The following CLVS1 variants were observed in gnomAD, a reference collection of about 807,000 sequenced individuals.
CLVS1 encodes the protein clavesin 1, also known as clavesin-1.
A neutral mutation model predicts 33.1 loss-of-function variants in CLVS1; 10 were observed. The ratio of observed to expected loss-of-function variants is 0.30; its 90% confidence interval spans 0.19 to 0.51. The LOEUF is 0.51. Ranked by LOEUF, CLVS1 falls within the 20% of genes least tolerant of loss-of-function variation. The probability of loss-of-function intolerance (pLI) is 0.97; values close to 1 mark genes in which losing one functional copy is unlikely to be tolerated. For synonymous variants in CLVS1, 163 were observed against 166.1 expected, an observed-to-expected ratio of 0.98 and a Z score of 0.14; for missense variants, 343 against 433.4, an observed-to-expected ratio of 0.79 and a Z score of 1.85.
intron 1 of CLVS1, among the ~76,000 whole-genome samples, chr8:61,117,995 C>G (rs566936709): frequency 6.6e-6 from 1 of 152,324 alleles, no homozygotes; most frequent in South Asian, 2.1e-4. Context: ...GTGAATCCAT[C>G]TGGTCCTGGA....
intron 5 of CLVS1, among the ~76,000 whole-genome samples, chr8:61,474,590 G>A (rs1331738581): frequency 6.6e-6 from 1 of 152,200 alleles, no homozygotes; most frequent in African/African-American, 2.4e-5. Context: ...ATCCAGTAAA[G>A]AGGGAGAATT....
chr8:61,255,525 T>A (rs1809059778), intron 2 of CLVS1, among the ~76,000 whole-genome samples: 1 of 152,188 alleles, frequency 6.6e-6, no homozygotes, highest in South Asian at 2.1e-4. Context: ...AATAAACCAG[T>A]AAGCAAAGGT....
At chr8:61,288,275 T>C (rs1563478457) in intron 1 of CLVS1, 137 bp downstream of exon 1, 2 of 456,496 alleles carry the variant, frequency 4.4e-6, no homozygotes, top group Non-Finnish European at 8.8e-6. Flanking sequence ...CTGCACTCCA[T>C]CCCTCCCGCA....
At chr8:61,391,633 T>C (rs577160392) in intron 3 of CLVS1, among the ~76,000 whole-genome samples, 6 of 152,336 alleles carry the variant, frequency 3.9e-5, no homozygotes, top group African/African-American at 1.4e-4. Context: ...ATTAAGCTAA[T>C]GCCAGCTCAA....
chr8:61,021,059 T>G, the CLVS1 span, among the ~76,000 whole-genome samples: 1 of 152,168 alleles, frequency 6.6e-6, no homozygotes, highest in Non-Finnish European at 1.5e-5. Context: ...TCTCTAGAAA[T>G]TCTACACACT....
the CLVS1 span, among the ~76,000 whole-genome samples, chr8:61,003,634 G>T: frequency 9.9e-5 from 15 of 152,284 alleles, no homozygotes; most frequent in African/African-American, 3.4e-4. Flanking sequence ...CTTGTGCCCA[G>T]GTTTCCATAT....
At chr8:61,004,184 A>C in the CLVS1 span, among the ~76,000 whole-genome samples, 13 of 152,258 alleles carry the variant, frequency 8.5e-5, no homozygotes, top group Non-Finnish European at 1.8e-4. Flanking sequence ...GCACATATAA[A>C]GTGCTTTGCA....
chr8:61,202,756 T>C lies in CLVS1; in HGVS notation c.-152+70896T>C, dbSNP rs577983113. On this transcript the variant is annotated intron_variant, in intron 2 of 2. Coordinates refer to the CLVS1 transcript ENST00000522621. Reference sequence around the variant, plus strand: ...TGAAGAGGAGGAGGATGTGAAACTCTTAAGTATATCTGGAAAGCGATCTGC... The same window carrying C: ...TGAAGAGGAGGAGGATGTGAAACTCCTAAGTATATCTGGAAAGCGATCTGC... 3.8e-5 allele frequency: 60 copies of C among 1,573,720 alleles called. No homozygotes were observed. The African/African-American group carries it at 7.1e-4, about 19-fold the overall frequency.
intron 3 of CLVS1, among the ~76,000 whole-genome samples, chr8:61,438,352 A>C (rs1332358283): frequency 6.6e-6 from 1 of 152,200 alleles, no homozygotes; most frequent in Non-Finnish European, 1.5e-5. Context: ...TGCAAAGGAC[A>C]TTATCTCATT....
chr8:61,477,762 T>C (rs1004972329), intron 5 of CLVS1, among the ~76,000 whole-genome samples: 4 of 152,168 alleles, frequency 2.6e-5, no homozygotes, highest in Admixed American at 6.5e-5. Flanking sequence ...CCTGGATTCA[T>C]TGATTTTTTG....
At chr8:60,980,184 A>C in the CLVS1 span, among the ~76,000 whole-genome samples, 1 of 152,210 alleles carries the variant, frequency 6.6e-6, no homozygotes, top group Admixed American at 6.5e-5. Context: ...TTATTCATCT[A>C]GAGGCAAACA....
At chr8:61,303,364 C>T (rs1290157038) in intron 2 of CLVS1, among the ~76,000 whole-genome samples, 1 of 152,190 alleles carries the variant, frequency 6.6e-6, no homozygotes, top group East Asian at 1.9e-4. Context: ...TCTCAATTCT[C>T]TCTTGTGTAA....
intron 2 of CLVS1, among the ~76,000 whole-genome samples, chr8:61,189,957 A>G (rs1807434524): frequency 6.6e-6 from 1 of 152,198 alleles, no homozygotes; most frequent in South Asian, 2.1e-4. Flanking sequence ...AACATTAGAC[A>G]GACCAAAGAG....
At chr8:61,437,940 A>G (rs1046710531) in intron 3 of CLVS1, among the ~76,000 whole-genome samples, 2 of 152,238 alleles carry the variant, frequency 1.3e-5, no homozygotes, top group Admixed American at 1.3e-4. Flanking sequence ...TAAGACGTTG[A>G]ACTGTAAGAT....
At chr8:61,267,433 A>G (rs1021693557) in intron 2 of CLVS1, among the ~76,000 whole-genome samples, 2 of 152,308 alleles carry the variant, frequency 1.3e-5, no homozygotes, top group Admixed American at 1.3e-4. Context: ...CATCTCCAAT[A>G]CATACACACA....
chr8:61,479,203 C>T (rs1308766083), intron 5 of CLVS1, among the ~76,000 whole-genome samples: 8 of 152,216 alleles, frequency 5.3e-5, no homozygotes, highest in Non-Finnish European at 1.2e-4. Context: ...TTCTCTCCAT[C>T]ACTTTCAGGT....
chr8:60,989,450 T>A, the CLVS1 span, among the ~76,000 whole-genome samples: 2 of 152,202 alleles, frequency 1.3e-5, no homozygotes, highest in African/African-American at 4.8e-5. Flanking sequence ...GTGCAGATTC[T>A]TAACAGAGCA....
intron 3 of CLVS1, among the ~76,000 whole-genome samples, chr8:61,432,679 A>T (rs900877157): frequency 6.6e-6 from 1 of 152,226 alleles, no homozygotes; most frequent in Non-Finnish European, 1.5e-5. Flanking sequence ...ATGCCAGCAA[A>T]CTAATATAAA....
At chr8:61,034,887 T>C in the CLVS1 span, among the ~76,000 whole-genome samples, 1 of 152,140 alleles carries the variant, frequency 6.6e-6, no homozygotes, top group Non-Finnish European at 1.5e-5. Context: ...TAAACAACTT[T>C]CCCGTGTTTC....
Sources: gnomAD v4.1 joint callset for allele counts (sites outside exome capture counted in the v4.1 genomes callset) on GRCh38, gnomAD v4.1.1 for gene constraint, MANE v1.5 for transcripts, NCBI Gene and HGNC (gene_info 2026-07-23, HGNC 2026-07-21) for gene names.